Variants in ZDHHC18 observed in about 807,000 individuals in gnomAD.
The protein encoded by ZDHHC18 is zDHHC palmitoyltransferase 18, also known as palmitoyltransferase ZDHHC18.
In ZDHHC18, 23 loss-of-function variants were observed where a neutral mutation model predicts 37.5. That is an observed-to-expected ratio of 0.61 (90% CI 0.44 to 0.87). ZDHHC18 has a LOEUF of 0.87. Ranked by LOEUF, ZDHHC18 falls within the 40% of genes least tolerant of loss-of-function variation. ZDHHC18 has a pLI of 0.00. For missense variants in ZDHHC18, 406 were observed against 525.6 expected, an observed-to-expected ratio of 0.77 and a Z score of 2.22; for synonymous variants, 185 against 218.7, an observed-to-expected ratio of 0.85 and a Z score of 1.36.
chr1:26,834,494 T>A (rs2081602524), intron 2 of ZDHHC18, among the ~76,000 whole-genome samples: 1 of 152,356 alleles, frequency 6.6e-6, no homozygotes, highest in Non-Finnish European at 1.5e-5. Flanking sequence ...ACTTGTTTCC[T>A]GTGCTCTGGG....
chr1:26,830,876 G>A (rs1307836915), intron 1 of ZDHHC18, among the ~76,000 whole-genome samples: 5 of 152,046 alleles, frequency 3.3e-5, no homozygotes, highest in East Asian at 1.9e-4. Flanking sequence ...TCTGCCTCCC[G>A]GGTTCAAGTG....
At chr1:26,833,041 T>G (rs1266881225) in intron 2 of ZDHHC18, among the ~76,000 whole-genome samples, 1 of 152,212 alleles carries the variant, frequency 6.6e-6, no homozygotes, top group Non-Finnish European at 1.5e-5. Context: ...CACCTGCTCT[T>G]AAACATTCAT....
chr1:26,832,366 C>T, intron 1 of ZDHHC18, 81 bp from the exon 2 acceptor site: 1 of 1,550,334 alleles, frequency 6.5e-7, no homozygotes, highest in East Asian at 2.3e-5. Flanking sequence ...GTTGGAATGA[C>T]AGCGCCTGCC....
At chr1:26,827,204 T>G (rs1351903742) in intron 1 of ZDHHC18, 65 bp downstream of exon 1, 8 of 1,130,272 alleles carry the variant, frequency 7.1e-6, no homozygotes, top group Non-Finnish European at 8.7e-6. Flanking sequence ...TCCCAATCCC[T>G]GCTGGGCACT....
At chr1:26,851,981 C>G (rs913874903) in intron 6 of ZDHHC18, among the ~76,000 whole-genome samples, 3 of 152,226 alleles carry the variant, frequency 2.0e-5, no homozygotes, top group South Asian at 4.1e-4. Flanking sequence ...CAGGGCCCAC[C>G]ATCTGATACT....
At chr1:26,851,534 G>T (rs2081704336) in intron 6 of ZDHHC18, among the ~76,000 whole-genome samples, 1 of 152,228 alleles carries the variant, frequency 6.6e-6, no homozygotes, top group African/African-American at 2.4e-5. Flanking sequence ...GCTGGCACAT[G>T]ACCGCTTACA....
chr1:26,850,610 T>C lies in ZDHHC18; in HGVS notation c.833+4T>C, dbSNP rs1483623243. On this transcript the variant is annotated splice_donor_region_variant and intron_variant, in intron 5 of 7. Coordinates refer to ENST00000374142, the MANE Select transcript of ZDHHC18 (RefSeq NM_032283.3). The surrounding 1 kb of genome is among the most constrained non-coding windows in gnomAD (Gnocchi z 6.1). ...CTCTGAAGGAGACACCAGCAAGATA[T>C]CCTTTGTCAGCTAGAGGACACTCCA... The C allele has an allele frequency of 6.2e-7, 1 of 1,613,988 alleles. No homozygotes were observed. Among genetic ancestry groups the C allele is most frequent in the Non-Finnish European group, 8.5e-7 (1 of 1,180,006 alleles).
Position 26,856,590 on chromosome 1 carries a change from G to A in ZDHHC18, c.*2747G>A, listed in dbSNP as rs112320940. ...AGGTGCTTGGGTCTGTGCTGGTGGG[G>A]TCCTGGTATGCAGGGGCCACCGGTC... On this transcript the variant is annotated 3_prime_UTR_variant, in exon 8 of 8. Coordinates refer to ENST00000374142, the MANE Select transcript of ZDHHC18 (RefSeq NM_032283.3). The surrounding 1 kb of genome is among the most constrained non-coding windows in gnomAD (Gnocchi z 5.2). The A allele has an allele frequency of 9.8e-3, 1,645 of 167,846 alleles. 22 individuals carry two copies. The highest frequency in any genetic ancestry group is 0.013 in the Non-Finnish European group (1,015 of 75,728). The allele number at this position is 167,846 out of a possible 1,614,324, so 10.4% of individuals were successfully genotyped here. A position where few individuals can be genotyped will look rare whatever the true frequency, so the allele number is the denominator to read the frequency against.
rs188397528 is a variant in ZDHHC18 at position 26,844,985 on chromosome 1, A to G, written c.497-3623A>G. Among the ~76,000 whole-genome samples, 512 of 151,134 alleles carry G rather than the reference A, an allele frequency of 3.4e-3. 2 individuals are homozygous for G. Among genetic ancestry groups the G allele is most frequent in the African/African-American group, 0.012 (483 of 41,110 alleles). On this transcript the variant is annotated intron_variant, in intron 2 of 7. Coordinates refer to ENST00000374142, the MANE Select transcript of ZDHHC18 (RefSeq NM_032283.3). ...ACCCAGGCTAGAATGCAGTGGCGCAATCTCGGCTCACTGCAATCTCCGCCT... is the reference window on the plus strand; with the variant it reads ...ACCCAGGCTAGAATGCAGTGGCGCAGTCTCGGCTCACTGCAATCTCCGCCT...
chr1:26,837,482 T>C (rs2081618465), intron 2 of ZDHHC18, among the ~76,000 whole-genome samples: 1 of 148,562 alleles, frequency 6.7e-6, no homozygotes, highest in Non-Finnish European at 1.5e-5. Context: ...TTTATTTATT[T>C]ATTTATTTAT....
chr1:26,835,927 T>C (rs1255981763), intron 2 of ZDHHC18, among the ~76,000 whole-genome samples: 1 of 152,154 alleles, frequency 6.6e-6, no homozygotes, highest in East Asian at 1.9e-4. Flanking sequence ...TCCTGCCCTG[T>C]GGGGACAGTC....
chr1:26,836,230 G>C (rs191488060), intron 2 of ZDHHC18, among the ~76,000 whole-genome samples: 46 of 152,284 alleles, frequency 3.0e-4, no homozygotes, highest in Non-Finnish European at 5.4e-4. Context: ...GGACACAGAG[G>C]CTGCGTCTCT....
At chr1:26,852,198 C>G (rs534623383) in intron 6 of ZDHHC18, among the ~76,000 whole-genome samples, 2 of 152,260 alleles carry the variant, frequency 1.3e-5, no homozygotes, top group African/African-American at 4.8e-5. Context: ...AGTGTGTGGC[C>G]AAATAAGTGT....
chr1:26,841,416 G>A (rs1376112609), intron 2 of ZDHHC18, among the ~76,000 whole-genome samples: 1 of 152,236 alleles, frequency 6.6e-6, no homozygotes, highest in African/African-American at 2.4e-5. Flanking sequence ...TTACAGGCAT[G>A]AGCCACTATG....
At chr1:26,847,489 G>A (rs2124264520) in intron 2 of ZDHHC18, among the ~76,000 whole-genome samples, 1 of 152,318 alleles carries the variant, frequency 6.6e-6, no homozygotes, top group East Asian at 1.9e-4. Flanking sequence ...TGGGACTACA[G>A]GCATGAGCCA....
At chr1:26,830,469 A>G (rs1196600932) in intron 1 of ZDHHC18, among the ~76,000 whole-genome samples, 1 of 151,514 alleles carries the variant, frequency 6.6e-6, no homozygotes, top group Non-Finnish European at 1.5e-5. Flanking sequence ...CCATCCAGGT[A>G]CAGTAGTACA....
chr1:26,832,698 A>T, intron 2 of ZDHHC18, 91 bp downstream of exon 2: 1 of 1,492,396 alleles, frequency 6.7e-7, no homozygotes, highest in Non-Finnish European at 9.1e-7. Flanking sequence ...CCAAAACTAT[A>T]CTAGGAACTG....
chr1:26,847,267 G>A (rs1463599352), intron 2 of ZDHHC18, among the ~76,000 whole-genome samples: 1 of 152,038 alleles, frequency 6.6e-6, no homozygotes, highest in Non-Finnish European at 1.5e-5. Context: ...GTGCAATGGA[G>A]TGATCCTGGC....
chr1:26,827,480 C>A (rs1044593459), intron 1 of ZDHHC18, among the ~76,000 whole-genome samples: 1 of 152,094 alleles, frequency 6.6e-6, no homozygotes, highest in African/African-American at 2.4e-5. Context: ...CCCATCCTCG[C>A]TGCCCTCTCA....
Sources: gnomAD v4.1 joint callset for allele counts (sites outside exome capture counted in the v4.1 genomes callset) on GRCh38, gnomAD v4.1.1 for gene constraint, Gnocchi (gnomAD v3.1) non-coding constraint, MANE v1.5 for transcripts, NCBI Gene and HGNC (gene_info 2026-07-23, HGNC 2026-07-21) for gene names.